Variants in DPP6 observed in about 807,000 individuals in gnomAD.
DPP6 encodes dipeptidyl peptidase like 6, also known as A-type potassium channel modulatory protein DPP6.
In DPP6, 69 loss-of-function variants were observed where a neutral mutation model predicts 122.6. That is an observed-to-expected ratio of 0.56 (90% CI 0.46 to 0.69). The LOEUF is 0.69. Among genes scored for constraint, DPP6 ranks in the 30% least tolerant of loss-of-function variants. The pLI, the probability that DPP6 is intolerant of heterozygous loss-of-function variation, is 0.00. For synonymous variants in DPP6, 418 were observed against 433.1 expected (o/e 0.97, Z 0.43); for missense variants, 928 against 1,116.9 (o/e 0.83, Z 2.41).
intron 1 of DPP6, among the ~76,000 whole-genome samples, chr7:153,946,788 G>A (rs941217932): frequency 4.6e-5 from 7 of 152,154 alleles, no homozygotes; most frequent in African/African-American, 1.7e-4. Context: ...GGACTTTCTG[G>A]AAATAGTGAT....
chr7:154,873,383 A>G (rs1364425579), intron 19 of DPP6, among the ~76,000 whole-genome samples: 1 of 152,158 alleles, frequency 6.6e-6, no homozygotes, highest in Non-Finnish European at 1.5e-5. Flanking sequence ...CAAATGCCCC[A>G]ATGCACCTCC....
At chr7:154,353,369 G>A (rs771845990) in intron 1 of DPP6, among the ~76,000 whole-genome samples, 8 of 152,140 alleles carry the variant, frequency 5.3e-5, no homozygotes, top group South Asian at 2.1e-4. Flanking sequence ...GCAAGCAGAC[G>A]TGCCCAGTAT....
chr7:154,874,208 G>C (rs62472968), intron 19 of DPP6, among the ~76,000 whole-genome samples: 25,311 of 152,136 alleles, frequency 0.17, 2,465 homozygotes, highest in East Asian at 0.54. Flanking sequence ...CTTTCTCCAG[G>C]ATGCTAACAA....
At chr7:154,316,657 G>T (rs1563466292) in intron 1 of DPP6, among the ~76,000 whole-genome samples, 1 of 152,196 alleles carries the variant, frequency 6.6e-6, no homozygotes, top group Non-Finnish European at 1.5e-5. Context: ...TGGAATGTTT[G>T]CCTCAGTTGC....
chr7:153,881,144 T>C, the DPP6 span, among the ~76,000 whole-genome samples: 1 of 152,226 alleles, frequency 6.6e-6, no homozygotes, highest in Non-Finnish European at 1.5e-5. Context: ...GAAACATGAA[T>C]TGAACAACCT....
At chr7:153,964,527 A>G (rs577373232) in intron 1 of DPP6, among the ~76,000 whole-genome samples, 2 of 152,266 alleles carry the variant, frequency 1.3e-5, no homozygotes, top group East Asian at 3.9e-4. Flanking sequence ...CCTGGGATCC[A>G]GGAGGCCTGG....
At chr7:153,804,527 A>G in the DPP6 span, among the ~76,000 whole-genome samples, 6 of 152,160 alleles carry the variant, frequency 3.9e-5, no homozygotes, top group African/African-American at 1.4e-4. Context: ...ATACATCAAA[A>G]CCTGTAGCAT....
chr7:154,875,519 G>A lies in DPP6; in HGVS notation c.1884-387G>A, dbSNP rs1330331207. 6.6e-6 allele frequency among the ~76,000 whole-genome samples: 1 copy of A among 152,206 alleles called. No homozygotes were observed. Among genetic ancestry groups the A allele is most frequent in the Non-Finnish European group, 1.5e-5 (1 of 68,030 alleles). On this transcript the variant is annotated intron_variant, in intron 19 of 25. Transcript: ENST00000377770. The surrounding 1 kb of genome is among the most constrained non-coding windows in gnomAD (Gnocchi z 4.5). ...TGTCACTTGTGATGGGTACTGAGAGGTACAGCCTGGGACATCTAGAACCCA... is the reference window on the plus strand; with the variant it reads ...TGTCACTTGTGATGGGTACTGAGAGATACAGCCTGGGACATCTAGAACCCA...
intron 7 of DPP6, among the ~76,000 whole-genome samples, chr7:154,716,158 C>T (rs186972785): frequency 1.3e-5 from 2 of 152,294 alleles, no homozygotes; most frequent in East Asian, 1.9e-4. Context: ...TCCCCTCAGC[C>T]GTCATGGTGA....
intron 17 of DPP6, among the ~76,000 whole-genome samples, chr7:154,860,634 A>T (rs986698941): frequency 6.6e-6 from 1 of 152,220 alleles, no homozygotes; most frequent in Non-Finnish European, 1.5e-5. Flanking sequence ...GAAGCATCAT[A>T]CAGAATCCTA....
At chr7:154,563,606 A>G (rs1184846667) in intron 4 of DPP6, among the ~76,000 whole-genome samples, 1 of 152,212 alleles carries the variant, frequency 6.6e-6, no homozygotes, top group African/African-American at 2.4e-5. Context: ...CTGACCACCT[A>G]GATGTAGGGT....
At chr7:154,471,838 C>T (rs1475876014) in intron 2 of DPP6, among the ~76,000 whole-genome samples, 3 of 151,974 alleles carry the variant, frequency 2.0e-5, no homozygotes, top group Admixed American at 2.0e-4. Flanking sequence ...AAGCATGAAA[C>T]TATAAAATAT....
intron 1 of DPP6, chr7:154,096,083 C>G (rs1427452865): frequency 1.1e-5 from 1 of 94,590 alleles, no homozygotes; most frequent in African/African-American, 4.3e-5. Flanking sequence ...TCCCCTGTTG[C>G]CCAGGTTATA....
At chr7:154,298,768 A>C (rs62475063) in intron 1 of DPP6, among the ~76,000 whole-genome samples, 25,230 of 151,858 alleles carry the variant, frequency 0.17, 2,431 homozygotes, top group Non-Finnish European at 0.23. Context: ...CTTGGTTTAT[A>C]CTCCCAAGAG....
At chr7:153,782,410 A>G in the DPP6 span, among the ~76,000 whole-genome samples, 248 of 152,256 alleles carry the variant, frequency 1.6e-3, no homozygotes, top group Non-Finnish European at 2.7e-3. Flanking sequence ...GTGAAGACAA[A>G]GCTGTCAACT....
intron 1 of DPP6, among the ~76,000 whole-genome samples, chr7:154,252,282 A>G (rs1307167804): frequency 6.6e-6 from 1 of 152,016 alleles, no homozygotes; most frequent in African/African-American, 2.4e-5. Flanking sequence ...TGGAGGAAGA[A>G]TATTTGAGAT....
chr7:154,397,832 G>A (rs1256029449), intron 1 of DPP6, among the ~76,000 whole-genome samples: 1 of 151,840 alleles, frequency 6.6e-6, no homozygotes, highest in Non-Finnish European at 1.5e-5. Flanking sequence ...GTACTGGGAG[G>A]AAAGAAAGCA....
At chr7:154,180,487 AATAG>A (rs971261812) in intron 1 of DPP6, among the ~76,000 whole-genome samples, 31 of 145,522 alleles carry the variant, frequency 2.1e-4, no homozygotes, top group Non-Finnish European at 3.7e-4. Flanking sequence ...ATGTTATATA[AATAG>A]ATATAGATAT....
chr7:154,173,068 T>C (rs895672597), intron 1 of DPP6, among the ~76,000 whole-genome samples: 1 of 152,244 alleles, frequency 6.6e-6, no homozygotes, highest in Non-Finnish European at 1.5e-5. Context: ...ATCGCTTTCC[T>C]GGTGGGTTAT....
Sources: allele counts gnomAD v4.1 joint callset (sites outside exome capture counted in the v4.1 genomes callset), GRCh38; gene constraint gnomAD v4.1.1; non-coding constraint Gnocchi (gnomAD v3.1); transcripts MANE v1.5; gene names NCBI Gene and HGNC (gene_info 2026-07-23, HGNC 2026-07-21).